Variants in NECAB1 observed in about 807,000 individuals in gnomAD.
NECAB1 encodes the protein N-terminal EF-hand calcium-binding protein 1.
Under a neutral mutation model 57.5 loss-of-function variants are expected in NECAB1, and 29 were observed. The ratio of observed to expected loss-of-function variants is 0.50; its 90% confidence interval spans 0.38 to 0.69. The LOEUF (loss-of-function observed/expected upper bound fraction) is 0.69, where lower values mean the gene tolerates loss of function less well. NECAB1 is among the 30% of genes least tolerant of loss of function. The pLI is 0.00. For synonymous variants in NECAB1, 142 were observed against 147.7 expected, an observed-to-expected ratio of 0.96 and a Z score of 0.28; for missense variants, 372 against 413.8, an observed-to-expected ratio of 0.90 and a Z score of 0.88.
At chr8:90,918,091 A>ACTCTGCC (rs1810020795) in intron 6 of NECAB1, among the ~76,000 whole-genome samples, 1 of 149,636 alleles carries the variant, frequency 6.7e-6, no homozygotes, top group East Asian at 2.0e-4. Context: ...CTCACTGCAA[A>ACTCTGCC]CTCTGCCTCC....
intron 1 of NECAB1, among the ~76,000 whole-genome samples, chr8:90,797,379 T>C (rs1811680477): frequency 6.6e-6 from 1 of 152,356 alleles, no homozygotes; most frequent in East Asian, 1.9e-4. Flanking sequence ...TGGCAATGAT[T>C]AGATTTATCT....
chr8:90,809,928 T>A (rs1221522424), intron 2 of NECAB1, among the ~76,000 whole-genome samples: 1 of 152,230 alleles, frequency 6.6e-6, no homozygotes, highest in East Asian at 1.9e-4. Flanking sequence ...CAGTAAACAA[T>A]CTTATTAAAA....
At chr8:90,947,534 G>A (rs1295282440) in intron 10 of NECAB1, among the ~76,000 whole-genome samples, 1 of 151,752 alleles carries the variant, frequency 6.6e-6, no homozygotes, top group Admixed American at 6.6e-5. Flanking sequence ...CTGAGTAGCT[G>A]AGATTACAGG....
At position 90,835,965 on chromosome 8, in the gene NECAB1, A is replaced by T. The variant is rs180815315; in HGVS notation, c.233+11140A>T. ...AGATCTTATCAAACACAGAAGGAGA[A>T]CTGATTCCTTTTGTTTGGGAGGAGG... On this transcript the variant is annotated intron_variant, in intron 3 of 12. Coordinates refer to ENST00000417640, the MANE Select transcript of NECAB1 (RefSeq NM_022351.5). 5.3e-5 allele frequency among the ~76,000 whole-genome samples: 8 copies of T among 152,362 alleles called. No homozygotes were observed. In the East Asian group the frequency reaches 1.5e-3, roughly 29 times the overall value.
At chr8:90,857,439 C>T (rs921770655) in intron 3 of NECAB1, among the ~76,000 whole-genome samples, 16 of 152,146 alleles carry the variant, frequency 1.1e-4, no homozygotes, top group African/African-American at 3.9e-4. Context: ...AGAAGAAAAA[C>T]TGTATATTGT....
intron 8 of NECAB1, among the ~76,000 whole-genome samples, chr8:90,931,464 T>C (rs757363194): frequency 1.3e-5 from 2 of 152,234 alleles, no homozygotes; most frequent in Admixed American, 6.5e-5. Context: ...AACCAAGCCC[T>C]ATTCTATGCA....
intron 3 of NECAB1, among the ~76,000 whole-genome samples, chr8:90,838,461 G>A (rs1410393660): frequency 6.6e-6 from 1 of 152,206 alleles, no homozygotes; most frequent in Non-Finnish European, 1.5e-5. Flanking sequence ...GTTCAGGGTT[G>A]CAGGTGGCCA....
At chr8:90,869,244 C>G (rs180952448) in intron 3 of NECAB1, among the ~76,000 whole-genome samples, 3 of 152,306 alleles carry the variant, frequency 2.0e-5, no homozygotes, top group Admixed American at 1.3e-4. Context: ...GTAGAACCCT[C>G]ATGGAGAATC....
intron 3 of NECAB1, among the ~76,000 whole-genome samples, chr8:90,830,006 C>T (rs1485366785): frequency 6.6e-6 from 1 of 152,056 alleles, no homozygotes; most frequent in Non-Finnish European, 1.5e-5. Flanking sequence ...AAAAGTGCTT[C>T]ACCTTGTATT....
chr8:90,903,119 A>T (rs1809547490), intron 5 of NECAB1, among the ~76,000 whole-genome samples: 1 of 152,014 alleles, frequency 6.6e-6, no homozygotes, highest in African/African-American at 2.4e-5. Context: ...GTTGGTTTTG[A>T]AAAAACAATA....
chr8:90,924,563 G>A (rs1301418324), intron 6 of NECAB1, among the ~76,000 whole-genome samples: 1 of 152,188 alleles, frequency 6.6e-6, no homozygotes, highest in African/African-American at 2.4e-5. Context: ...GGCAGCTTAA[G>A]TATTATGTCC....
At chr8:90,835,882 G>T (rs1812363858) in intron 3 of NECAB1, among the ~76,000 whole-genome samples, 1 of 152,154 alleles carries the variant, frequency 6.6e-6, no homozygotes, top group Non-Finnish European at 1.5e-5. Context: ...CACATTGCTG[G>T]TGACTTTTAG....
chr8:90,817,431 A>G (rs1472000781), intron 2 of NECAB1, among the ~76,000 whole-genome samples: 1 of 150,744 alleles, frequency 6.6e-6, no homozygotes, highest in African/African-American at 2.4e-5. Flanking sequence ...CTTTCCCACC[A>G]TTAAGTATGA....
intron 2 of NECAB1, among the ~76,000 whole-genome samples, chr8:90,813,667 C>CAATATTG (rs1812009554): frequency 6.6e-6 from 1 of 152,124 alleles, no homozygotes; most frequent in African/African-American, 2.4e-5. Flanking sequence ...GCTAGTACTA[C>CAATATTG]AGGTGCACAC....
At chr8:90,932,026 G>A (rs1810422112) in intron 8 of NECAB1, among the ~76,000 whole-genome samples, 1 of 152,136 alleles carries the variant, frequency 6.6e-6, no homozygotes, top group South Asian at 2.1e-4. Flanking sequence ...TAAGTCCTTA[G>A]TGTATCATCA....
chr8:90,844,544 T>C (rs1401120097), intron 3 of NECAB1, among the ~76,000 whole-genome samples: 1 of 152,166 alleles, frequency 6.6e-6, no homozygotes, highest in African/African-American at 2.4e-5. Flanking sequence ...AGATCCTCCC[T>C]ATTGTCAGAT....
Position 90,899,331 on chromosome 8 carries a change from G to T in NECAB1, c.358-18161G>T, listed in dbSNP as rs553315740. Reference sequence around the variant, plus strand: ...AGTGTATACCAGGATGTGATTTGAGGAACATGGGCAAAAATTCAAGAATCT... The same window carrying T: ...AGTGTATACCAGGATGTGATTTGAGTAACATGGGCAAAAATTCAAGAATCT... On this transcript the variant is annotated intron_variant, in intron 5 of 12. Transcript: ENST00000417640. Among the ~76,000 whole-genome samples, 3 of 152,194 alleles carry T rather than the reference G, an allele frequency of 2.0e-5. No individual in the cohort carries two copies. The East Asian group carries it at 5.8e-4, about 29-fold the overall frequency.
At chr8:90,823,200 G>A (rs73313067) in intron 2 of NECAB1, among the ~76,000 whole-genome samples, 17,392 of 151,724 alleles carry the variant, frequency 0.11, 1,556 homozygotes, top group African/African-American at 0.25. Flanking sequence ...CCAGAAGATC[G>A]GGTCCCTAGA....
At chr8:90,862,074 C>T (rs1176851627) in intron 3 of NECAB1, among the ~76,000 whole-genome samples, 1 of 152,110 alleles carries the variant, frequency 6.6e-6, no homozygotes. Flanking sequence ...CAGTTATATT[C>T]ATTCAATAGA....
Sources: allele counts gnomAD v4.1 joint callset (sites outside exome capture counted in the v4.1 genomes callset), GRCh38; gene constraint gnomAD v4.1.1; transcripts MANE v1.5; gene names NCBI Gene and HGNC (gene_info 2026-07-23, HGNC 2026-07-21).